Variants in KLHL14 observed in about 807,000 individuals in gnomAD.
KLHL14 encodes the protein kelch like family member 14.
Under a neutral mutation model 64.3 loss-of-function variants are expected in KLHL14, and 22 were observed. The observed-to-expected ratio is 0.34, with a 90% CI of 0.24 to 0.49. The LOEUF (loss-of-function observed/expected upper bound fraction) is 0.49, where lower values mean the gene tolerates loss of function less well. Ranked by LOEUF, KLHL14 falls within the 20% of genes least tolerant of loss-of-function variation. The pLI is 0.99. For missense variants in KLHL14, 661 were observed against 789.0 expected (o/e 0.84, Z 1.94); for synonymous variants, 322 against 333.4 (o/e 0.97, Z 0.37).
chr18:32,755,307 C>T (rs2050276197), intron 2 of KLHL14, among the ~76,000 whole-genome samples: 1 of 152,152 alleles, frequency 6.6e-6, no homozygotes, highest in Non-Finnish European at 1.5e-5. Flanking sequence ...ATTATCAGAT[C>T]TTTGACATGC....
chr18:32,708,712 G>A (rs1297109016), intron 3 of KLHL14, among the ~76,000 whole-genome samples: 5 of 152,186 alleles, frequency 3.3e-5, no homozygotes, highest in East Asian at 1.9e-4. Context: ...AGGTCCTTGC[G>A]AGGGGTTTTC....
At chr18:32,752,668 A>G (rs1210624791) in intron 2 of KLHL14, among the ~76,000 whole-genome samples, 4 of 152,188 alleles carry the variant, frequency 2.6e-5, no homozygotes, top group Non-Finnish European at 2.9e-5. Flanking sequence ...TATTTTTGCC[A>G]TAGCCACATG....
intron 3 of KLHL14, among the ~76,000 whole-genome samples, chr18:32,697,774 A>C (rs2049944149): frequency 6.6e-6 from 1 of 152,200 alleles, no homozygotes; most frequent in African/African-American, 2.4e-5. Context: ...TTATGCAAAC[A>C]AATGAAACTA....
At chr18:32,729,685 G>A (rs936931354) in intron 3 of KLHL14, among the ~76,000 whole-genome samples, 7 of 152,158 alleles carry the variant, frequency 4.6e-5, no homozygotes, top group African/African-American at 1.7e-4. Context: ...ATAGAAATAT[G>A]TCATTGTCAT....
intron 3 of KLHL14, among the ~76,000 whole-genome samples, chr18:32,713,301 A>G (rs1434329185): frequency 1.3e-5 from 2 of 152,076 alleles, no homozygotes; most frequent in East Asian, 3.9e-4. Flanking sequence ...AGTGCCCCCA[A>G]ACGAACCCCT....
intron 3 of KLHL14, chr18:32,734,197 G>C (rs1348129519): frequency 1.4e-6 from 1 of 702,860 alleles, no homozygotes. Context: ...TCTGAACTCT[G>C]GTGAGCTTGC....
intron 2 of KLHL14, among the ~76,000 whole-genome samples, chr18:32,767,157 T>A (rs1001342107): frequency 2.0e-5 from 3 of 152,210 alleles, no homozygotes; most frequent in African/African-American, 7.2e-5. Flanking sequence ...GGTTAACACA[T>A]TTATCCCCGT....
chr18:32,727,529 TAG>T (rs1268362169), intron 3 of KLHL14, among the ~76,000 whole-genome samples: 1 of 152,226 alleles, frequency 6.6e-6, no homozygotes, highest in Non-Finnish European at 1.5e-5. Flanking sequence ...AATTTAATGA[TAG>T]ATTGAAACCA....
At position 32,680,245 on chromosome 18, in the gene KLHL14, C is replaced by T; in HGVS notation, c.1512G>A (p.Met504Ile). ...AAGTGTGAATTGCACGTTTTGTGTTCATATCTTGTTTTCGAGCCCAGACAT... is the reference window on the plus strand; with the variant it reads ...AAGTGTGAATTGCACGTTTTGTGTTTATATCTTGTTTTCGAGCCCAGACAT... ...VMDVWARKQD[M>I]NTKRAIHTLA... is the part of the protein sequence containing the mutation. The change falls in exon 7 of 9, where the codon ATG becomes ATA. Residue 504 changes from methionine (M) to isoleucine (I), a missense_variant. Physicochemically the swap from Met to Ile is conservative, Grantham distance 10. Around this residue, in one of 2 missense-constraint regions of KLHL14, gnomAD observed 330 missense variants for 450.0 expected, o/e 0.73. Coordinates refer to ENST00000359358, the MANE Select transcript of KLHL14 (RefSeq NM_020805.3). This position sits in a 1 kb window ranked among gnomAD's most constrained non-coding sequence, Gnocchi z 4.8. 1 of 1,613,826 alleles carries T rather than the reference C, an allele frequency of 6.2e-7. No individual in the cohort carries two copies. The highest frequency in any genetic ancestry group is 1.1e-5 in the South Asian group (1 of 91,070).
chr18:32,761,563 T>G (rs2050314258), intron 2 of KLHL14, among the ~76,000 whole-genome samples: 1 of 152,140 alleles, frequency 6.6e-6, no homozygotes, highest in African/African-American at 2.4e-5. Flanking sequence ...ATACCTTTGT[T>G]GCAGAGAAAG....
rs1642600094 is a variant in KLHL14, at chr18:32,683,591, A to G, written c.1239-2992T>C. Among the ~76,000 whole-genome samples, 1 of 152,196 alleles carries G rather than the reference A, an allele frequency of 6.6e-6. No individual in the cohort carries two copies. Among genetic ancestry groups the G allele is most frequent in the South Asian group, 2.1e-4 (1 of 4,830 alleles). ...TTATTAAAGATTTCTTATTGGGATT[A>G]CACTGTTTCTGTTTCAAATTGTTCA... On this transcript the variant is annotated intron_variant, in intron 5 of 8. Transcript: ENST00000359358. This position sits in a 1 kb window ranked among gnomAD's most constrained non-coding sequence, Gnocchi z 4.2.
intron 4 of KLHL14, among the ~76,000 whole-genome samples, chr18:32,692,671 C>T (rs2049913277): frequency 6.6e-6 from 1 of 152,158 alleles, no homozygotes; most frequent in South Asian, 2.1e-4. Context: ...ATGACTGTTA[C>T]ACATCTAACC....
intron 7 of KLHL14, among the ~76,000 whole-genome samples, chr18:32,679,522 A>G (rs1196296326): frequency 1.2e-4 from 19 of 152,184 alleles, no homozygotes; most frequent in Admixed American, 8.5e-4. Context: ...TCAGTGTTAC[A>G]TGCATGCACA....
At chr18:32,768,118 T>C (rs1021569713) in intron 2 of KLHL14, among the ~76,000 whole-genome samples, 1 of 152,192 alleles carries the variant, frequency 6.6e-6, no homozygotes, top group Non-Finnish European at 1.5e-5. Flanking sequence ...CATGTTTTTT[T>C]CCTCATTGGC....
At position 32,680,097 on chromosome 18, in the gene KLHL14, G is replaced by T; in HGVS notation, c.1588+72C>A. The T allele has an allele frequency of 6.8e-7, 1 of 1,460,908 alleles. No individual in the cohort carries two copies. The highest frequency in any genetic ancestry group is 1.3e-5 in the South Asian group (1 of 79,076). 90.5% of individuals were successfully genotyped at this position (1,460,908 alleles called of 1,614,324 possible). A position where few individuals can be genotyped will look rare whatever the true frequency, so the allele number is the denominator to read the frequency against. ...TTGGTTAACTATGATTATCTAAGGAGAAACCCCCTTAGCGAGAAATATGAG... is the reference window on the plus strand; with the variant it reads ...TTGGTTAACTATGATTATCTAAGGATAAACCCCCTTAGCGAGAAATATGAG... On this transcript the variant is annotated intron_variant, in intron 7 of 8. Coordinates refer to ENST00000359358, the MANE Select transcript of KLHL14 (RefSeq NM_020805.3). This position sits in a 1 kb window ranked among gnomAD's most constrained non-coding sequence, Gnocchi z 4.8.
intron 5 of KLHL14, among the ~76,000 whole-genome samples, chr18:32,686,583 G>T (rs1397286098): frequency 2.0e-5 from 3 of 152,014 alleles, no homozygotes; most frequent in African/African-American, 7.2e-5. Context: ...TTTTTTTAAA[G>T]CTAACAAATT....
At chr18:32,753,450 T>A (rs1330275227) in intron 2 of KLHL14, among the ~76,000 whole-genome samples, 2 of 149,898 alleles carry the variant, frequency 1.3e-5, no homozygotes, top group Admixed American at 1.3e-4. Context: ...ACATGGGTCC[T>A]CCACAATTCT....
At chr18:32,728,106 A>T (rs1267442756) in intron 3 of KLHL14, among the ~76,000 whole-genome samples, 1 of 152,226 alleles carries the variant, frequency 6.6e-6, no homozygotes, top group African/African-American at 2.4e-5. Flanking sequence ...TTCAACAAAT[A>T]TGCATGCATA....
At position 32,695,563 on chromosome 18, in the gene KLHL14, G is replaced by GA. The variant is rs371920534; in HGVS notation, c.1070-12dup. 0.12 allele frequency: 129,471 copies of GA among 1,047,090 alleles called. 12 individuals carry two copies. The highest frequency in any genetic ancestry group is 0.13 in the South Asian group (6,828 of 51,370). 64.9% of individuals were successfully genotyped at this position (1,047,090 alleles called of 1,614,324 possible). On this transcript the variant is annotated splice_polypyrimidine_tract_variant and intron_variant, in intron 3 of 8. Coordinates refer to ENST00000359358, the MANE Select transcript of KLHL14 (RefSeq NM_020805.3). ...TGTTGTATGGCATAACTGAAATTAAGAAAAAAAAAAAAGACATATGAAATT... is the reference window on the plus strand; with the variant it reads ...TGTTGTATGGCATAACTGAAATTAAGAAAAAAAAAAAAAGACATATGAAATT...
Sources: allele counts gnomAD v4.1 joint callset (sites outside exome capture counted in the v4.1 genomes callset), GRCh38; gene constraint gnomAD v4.1.1; regional missense constraint gnomAD v4.1.1; non-coding constraint Gnocchi (gnomAD v3.1); transcripts MANE v1.5; gene names NCBI Gene and HGNC (gene_info 2026-07-23, HGNC 2026-07-21).